Variants in CLIP4 observed in about 807,000 individuals in gnomAD.
CLIP4 encodes the protein CAP-Gly domain-containing linker protein 4.
Under a neutral mutation model 73.1 loss-of-function variants are expected in CLIP4, and 47 were observed. That is an observed-to-expected ratio of 0.64 (90% CI 0.51 to 0.82). CLIP4 has a LOEUF of 0.82. Among genes scored for constraint, CLIP4 ranks in the 40% least tolerant of loss-of-function variants. The pLI, the probability that CLIP4 is intolerant of heterozygous loss-of-function variation, is 0.00. For synonymous variants in CLIP4, 306 were observed against 295.4 expected (o/e 1.04, Z -0.37); for missense variants, 874 against 852.9 (o/e 1.02, Z -0.31).
At chr2:29,168,311 G>C (rs1031047679) in intron 14 of CLIP4, among the ~76,000 whole-genome samples, 2 of 151,928 alleles carry the variant, frequency 1.3e-5, no homozygotes, top group African/African-American at 4.8e-5. Flanking sequence ...ATTTTCAGAG[G>C]GTAGTTTATC....
chr2:29,102,353 C>T (rs1668074072), intron 1 of CLIP4, among the ~76,000 whole-genome samples: 1 of 152,198 alleles, frequency 6.6e-6, no homozygotes, highest in African/African-American at 2.4e-5. Context: ...ATATACACAA[C>T]TTTGGTCACA....
intron 2 of CLIP4, among the ~76,000 whole-genome samples, chr2:29,126,891 G>T (rs1664644269): frequency 6.6e-6 from 1 of 152,148 alleles, no homozygotes; most frequent in Non-Finnish European, 1.5e-5. Flanking sequence ...AGATATTGGA[G>T]GAAACTAGAG....
chr2:29,173,223 A>G (rs1454585852), intron 14 of CLIP4, among the ~76,000 whole-genome samples: 1 of 152,214 alleles, frequency 6.6e-6, no homozygotes, highest in Non-Finnish European at 1.5e-5. Flanking sequence ...TCTGCAACAT[A>G]TTTTTGTATT....
rs369245161 is a variant in CLIP4, at chr2:29,131,416, T to A, written c.273+19T>A. The stretch of plus-strand genomic sequence containing the variant: ...AAATGAGGTAAGGAATTCTTACATT[T>A]TAAGTTTTGCATTGTTAGGATTGTT... On this transcript the variant is annotated intron_variant, in intron 3 of 15. Coordinates refer to ENST00000320081, the MANE Select transcript of CLIP4 (RefSeq NM_024692.6). 2.5e-4 allele frequency: 392 copies of A among 1,582,134 alleles called. No individual in the cohort carries two copies. Among genetic ancestry groups the A allele is most frequent in the Non-Finnish European group, 3.2e-4 (373 of 1,169,736 alleles).
At chr2:29,130,997 G>C (rs1664933256) in intron 2 of CLIP4, 4 of 1,021,930 alleles carry the variant, frequency 3.9e-6, no homozygotes, top group Non-Finnish European at 5.2e-6. Flanking sequence ...TGTTGAGCTG[G>C]TATTATTTAG....
intron 1 of CLIP4, among the ~76,000 whole-genome samples, chr2:29,119,392 A>AT (rs955174974): frequency 1.8e-4 from 28 of 151,572 alleles, no homozygotes; most frequent in Non-Finnish European, 8.8e-5. Context: ...ATCACTTAAA[A>AT]TTTTTTTTTT....
At chr2:29,150,920 T>C (rs1666521415) in intron 8 of CLIP4, among the ~76,000 whole-genome samples, 1 of 152,104 alleles carries the variant, frequency 6.6e-6, no homozygotes, top group Non-Finnish European at 1.5e-5. Context: ...GCGCCTGGCC[T>C]GATTTACTTT....
intron 1 of CLIP4, among the ~76,000 whole-genome samples, chr2:29,107,366 T>TTTTTG (rs1391617731): frequency 9.3e-6 from 1 of 107,516 alleles, no homozygotes; most frequent in African/African-American, 4.1e-5. Context: ...TAGTTTTTTT[T>TTTTTG]TTTTTTTTTT....
chr2:29,142,876 T>C (rs899797845), intron 6 of CLIP4, among the ~76,000 whole-genome samples: 1 of 152,222 alleles, frequency 6.6e-6, no homozygotes, highest in Non-Finnish European at 1.5e-5. Context: ...AGATAATTCA[T>C]ATGATAGGGC....
At chr2:29,154,542 G>T (rs748995872) in intron 9 of CLIP4, among the ~76,000 whole-genome samples, 1 of 152,150 alleles carries the variant, frequency 6.6e-6, no homozygotes, top group Non-Finnish European at 1.5e-5. Flanking sequence ...GGCACAATCA[G>T]TCTCAGGATT....
At position 29,183,532 on chromosome 2, in the gene CLIP4, C is replaced by G. The variant is rs1400644314; in HGVS notation, c.*1639C>G. The G allele has an allele frequency of 6.6e-6, 1 of 152,544 alleles. No homozygotes were observed. Among genetic ancestry groups the G allele is most frequent in the Non-Finnish European group, 1.5e-5 (1 of 68,020 alleles). 9.4% of individuals were successfully genotyped at this position (152,544 alleles called of 1,614,324 possible). ...TCTATTTATACCTTAACATGAAATC[C>G]ATGACCACACCAAACTTGGTTATTC... On this transcript the variant is annotated 3_prime_UTR_variant, in exon 16 of 16. Coordinates refer to ENST00000320081, the MANE Select transcript of CLIP4 (RefSeq NM_024692.6).
chr2:29,137,953 G>A (rs1665488700), intron 6 of CLIP4, among the ~76,000 whole-genome samples: 1 of 152,086 alleles, frequency 6.6e-6, no homozygotes, highest in Admixed American at 6.6e-5. Flanking sequence ...CATTCTGTAG[G>A]TTGTCTGTTT....
chr2:29,145,147 C>T (rs1233035400), intron 7 of CLIP4, 85 bp from the exon 8 acceptor site: 1 of 1,184,614 alleles, frequency 8.4e-7, no homozygotes, highest in Non-Finnish European at 1.2e-6. Context: ...TTTAAAAACT[C>T]CCATGGTGAA....
chr2:29,137,072 G>A (rs980876529), intron 6 of CLIP4, among the ~76,000 whole-genome samples: 1 of 151,812 alleles, frequency 6.6e-6, no homozygotes, highest in African/African-American at 2.4e-5. Flanking sequence ...ATATGTACAG[G>A]TTTGTGAAAT....
At position 29,121,519 on chromosome 2, in the gene CLIP4, G is replaced by A; in HGVS notation, c.131G>A (p.Cys44Tyr). The change falls in exon 2 of 16, where the codon TGT (cysteine) becomes TAT (tyrosine). Residue 44 changes from cysteine to tyrosine, a missense_variant and splice_region_variant. Coordinates refer to ENST00000320081, the MANE Select transcript of CLIP4 (RefSeq NM_024692.6). Reference protein sequence around the residue: ...SISAAPMPSDCEFSFFDPNDA... With the variant: ...SISAAPMPSDYEFSFFDPNDA... ...TCTGCAGCACCAATGCCTTCAGACT[G>A]TGGTATGTGAAGTAGCTGTGCTTAT... is the stretch of plus-strand genomic sequence containing the variant. 6.2e-7 allele frequency: 1 copy of A among 1,613,022 alleles called. No homozygotes were observed. The highest frequency in any genetic ancestry group is 2.2e-5 in the East Asian group (1 of 44,836).
At chr2:29,139,819 C>T (rs2147979423) in intron 6 of CLIP4, among the ~76,000 whole-genome samples, 1 of 152,168 alleles carries the variant, frequency 6.6e-6, no homozygotes, top group Non-Finnish European at 1.5e-5. Context: ...TTTTACATTT[C>T]TGTGGGATTG....
At chr2:29,152,892 A>G in intron 9 of CLIP4, 64 bp downstream of exon 9, 2 of 1,547,882 alleles carry the variant, frequency 1.3e-6, no homozygotes, top group Non-Finnish European at 1.7e-6. Flanking sequence ...AGAATTCCTA[A>G]TATTTAGATT....
chr2:29,182,091 A>G lies in CLIP4; in HGVS notation c.*198A>G. 2.4e-6 allele frequency: 1 copy of G among 415,684 alleles called. No individual in the cohort carries two copies. The highest frequency in any genetic ancestry group is 6.3e-4 in the Middle Eastern group (1 of 1,592). The allele number at this position is 415,684 out of a possible 1,614,324, so 25.7% of individuals were successfully genotyped here. On this transcript the variant is annotated 3_prime_UTR_variant, in exon 16 of 16. Transcript: ENST00000320081. The stretch of plus-strand genomic sequence containing the variant: ...TGGGGAATCATGGTTCTTTTAAAGC[A>G]ATTTTCAAAATAAGTACCAATTAAA...
rs1668747982 is a variant in CLIP4 at position 29,183,708 on chromosome 2, A to G, written c.*1815A>G. 1 of 152,562 alleles carries G rather than the reference A, an allele frequency of 6.6e-6. No homozygotes were observed. The highest frequency in any genetic ancestry group is 6.5e-5 in the Admixed American group (1 of 15,288). 9.5% of individuals were successfully genotyped at this position (152,562 alleles called of 1,614,324 possible). Reference sequence around the variant, plus strand: ...TACTATGTATGTTTACATATACTATACATGCACATTAGGTGTTTTCATTTG... The same window carrying G: ...TACTATGTATGTTTACATATACTATGCATGCACATTAGGTGTTTTCATTTG... On this transcript the variant is annotated 3_prime_UTR_variant, in exon 16 of 16. Transcript: ENST00000320081.
Sources: allele counts gnomAD v4.1 joint callset (sites outside exome capture counted in the v4.1 genomes callset), GRCh38; gene constraint gnomAD v4.1.1; transcripts MANE v1.5; gene names NCBI Gene and HGNC (gene_info 2026-07-23, HGNC 2026-07-21).